The following OSBPL10 variants were observed in gnomAD, a reference collection of about 807,000 sequenced individuals.
OSBPL10 encodes the protein oxysterol binding protein like 10, also known as oxysterol-binding protein-related protein 10.
OSBPL10 carries 49 observed loss-of-function variants against 81.7 expected under a neutral mutation model. The observed-to-expected ratio is 0.60, with a 90% CI of 0.48 to 0.76. The LOEUF (loss-of-function observed/expected upper bound fraction) is 0.76. OSBPL10 is among the 30% of genes least tolerant of loss of function. OSBPL10 has a pLI of 0.00. For missense variants in OSBPL10, 923 were observed against 987.8 expected, an observed-to-expected ratio of 0.93 and a Z score of 0.88; for synonymous variants, 419 against 383.6, an observed-to-expected ratio of 1.09 and a Z score of -1.08.
chr3:31,928,568 T>C (rs1379258356), intron 1 of OSBPL10, among the ~76,000 whole-genome samples: 1 of 151,642 alleles, frequency 6.6e-6, no homozygotes, highest in Non-Finnish European at 1.5e-5. Context: ...TGAGGTCAGG[T>C]GTTCAAGACC....
intron 1 of OSBPL10, among the ~76,000 whole-genome samples, chr3:32,053,080 T>G (rs1230126978): frequency 1.3e-5 from 2 of 152,214 alleles, no homozygotes; most frequent in African/African-American, 2.4e-5. Context: ...GAGTCAGACC[T>G]TATCTGCACT....
intron 1 of OSBPL10, among the ~76,000 whole-genome samples, chr3:32,048,191 C>T (rs758159655): frequency 3.9e-5 from 6 of 152,140 alleles, no homozygotes; most frequent in Non-Finnish European, 7.3e-5. Flanking sequence ...TGCTTTCTTT[C>T]CTTTCCCTTC....
intron 6 of OSBPL10, among the ~76,000 whole-genome samples, chr3:31,706,589 C>A (rs903491629): frequency 3.3e-5 from 5 of 152,160 alleles, no homozygotes; most frequent in Non-Finnish European, 5.9e-5. Flanking sequence ...GAGGCCAAAG[C>A]CAGGAGGCAA....
intron 8 of OSBPL10, among the ~76,000 whole-genome samples, chr3:31,680,934 T>G (rs1700624692): frequency 6.6e-6 from 1 of 152,208 alleles, no homozygotes; most frequent in African/African-American, 2.4e-5. Context: ...TTTTTCTAAT[T>G]GGAAAATAGT....
intron 8 of OSBPL10, 104 bp from the exon 9 acceptor site, chr3:31,671,087 G>A (rs1370013023): frequency 2.7e-6 from 3 of 1,113,802 alleles, no homozygotes; most frequent in East Asian, 2.6e-5. Context: ...CTGCACAGAT[G>A]TCACATCTCC....
intron 3 of OSBPL10, among the ~76,000 whole-genome samples, chr3:31,868,073 C>T (rs113265085): frequency 6.6e-5 from 10 of 151,216 alleles, no homozygotes; most frequent in South Asian, 2.1e-4. Context: ...AAAAAAAAGA[C>T]GGGCAGGACG....
intron 1 of OSBPL10, among the ~76,000 whole-genome samples, chr3:31,885,890 G>C (rs1386665736): frequency 6.7e-6 from 1 of 149,352 alleles, no homozygotes; most frequent in African/African-American, 2.5e-5. Flanking sequence ...AGCTACTTGA[G>C]AGGCTGAGGC....
chr3:31,855,000 CATGGTTTTGT>C (rs1356119502), intron 3 of OSBPL10, among the ~76,000 whole-genome samples: 1 of 151,602 alleles, frequency 6.6e-6, no homozygotes, highest in Non-Finnish European at 1.5e-5. Flanking sequence ...ATTTGGTTGT[CATGGTTTTGT>C]TTTGTTTTGT....
Position 31,880,887 on chromosome 3 carries a change from T to C in OSBPL10, c.282-1057A>G, listed in dbSNP as rs150836989. Among the ~76,000 whole-genome samples the C allele has an allele frequency of 3.2e-3, 485 of 152,354 alleles. 3 individuals carry two copies. The highest frequency in any genetic ancestry group is 0.011 in the African/African-American group (448 of 41,578). ...AGATCAGTTGGACAAGTCTCAACAG[T>C]TCAGAAGTTGTCAAACACACGTGGT... On this transcript the variant is annotated intron_variant, in intron 1 of 11. Coordinates refer to ENST00000396556, the MANE Select transcript of OSBPL10 (RefSeq NM_017784.5).
chr3:31,678,462 C>T (rs921258943), intron 8 of OSBPL10, among the ~76,000 whole-genome samples: 13 of 152,256 alleles, frequency 8.5e-5, no homozygotes, highest in African/African-American at 2.9e-4. Flanking sequence ...CGCTGGTGGT[C>T]GGGGACAGGG....
chr3:31,692,050 G>C (rs1695572309), intron 7 of OSBPL10, among the ~76,000 whole-genome samples: 5 of 152,224 alleles, frequency 3.3e-5, no homozygotes, highest in African/African-American at 1.2e-4. Flanking sequence ...TAAAATTTTT[G>C]TCAGATGGGA....
In OSBPL10 at chr3:32,057,052, C is replaced by CA. The variant is rs557063712; in HGVS notation, n.186-10450dup. On this transcript the variant is annotated intron_variant and non_coding_transcript_variant, in intron 1 of 3. Coordinates refer to the OSBPL10 transcript ENST00000479173. The stretch of plus-strand genomic sequence containing the variant: ...GACACTCTCACCAGTGCCATGGCAA[C>CA]ATCAGGAAGTTACTCTATATGGTCT... Among the ~76,000 whole-genome samples the CA allele has an allele frequency of 1.2e-3, 187 of 152,306 alleles. 1 individual carries two copies. The highest frequency in any genetic ancestry group is 4.3e-3 in the Admixed American group (65 of 15,294).
intron 1 of OSBPL10, among the ~76,000 whole-genome samples, chr3:31,922,270 G>C (rs1559519197): frequency 1.3e-5 from 2 of 152,234 alleles, no homozygotes; most frequent in African/African-American, 4.8e-5. Flanking sequence ...TAATAATAGA[G>C]AAACTGTGGG....
intron 3 of OSBPL10, among the ~76,000 whole-genome samples, chr3:31,851,755 G>C (rs1014293940): frequency 2.6e-5 from 4 of 152,170 alleles, no homozygotes; most frequent in African/African-American, 9.7e-5. Flanking sequence ...TGGCAAAGGG[G>C]GTCTCAGACT....
intron 1 of OSBPL10, among the ~76,000 whole-genome samples, chr3:31,911,656 A>C (rs1199907686): frequency 6.6e-6 from 1 of 152,158 alleles, no homozygotes; most frequent in Non-Finnish European, 1.5e-5. Context: ...TTTTAAGAAA[A>C]GTTTACAAAT....
intron 3 of OSBPL10, among the ~76,000 whole-genome samples, chr3:31,867,842 C>G (rs1229713798): frequency 5.3e-5 from 8 of 152,050 alleles, no homozygotes; most frequent in Admixed American, 1.3e-4. Context: ...GGGCAAGTAG[C>G]TGACTGGAAG....
intron 2 of OSBPL10, among the ~76,000 whole-genome samples, chr3:32,036,877 C>T (rs1575090041): frequency 6.6e-6 from 1 of 151,996 alleles, no homozygotes; most frequent in East Asian, 1.9e-4. Flanking sequence ...ACTCACTCGG[C>T]TCTTGAACCA....
intron 1 of OSBPL10, among the ~76,000 whole-genome samples, chr3:31,921,659 G>C (rs922985125): frequency 4.6e-5 from 7 of 152,170 alleles, no homozygotes; most frequent in Non-Finnish European, 8.8e-5. Context: ...CCAGGCATCA[G>C]AACTGCAAAT....
At chr3:31,714,722 G>C (rs1331748768) in intron 6 of OSBPL10, 1 of 152,234 alleles carries the variant, frequency 6.6e-6, no homozygotes, top group East Asian at 1.9e-4. Flanking sequence ...CAAGTTCCCG[G>C]ACACCTCCCA....
Sources: gnomAD v4.1 joint callset for allele counts (sites outside exome capture counted in the v4.1 genomes callset) on GRCh38, gnomAD v4.1.1 for gene constraint, MANE v1.5 for transcripts, NCBI Gene and HGNC (gene_info 2026-07-23, HGNC 2026-07-21) for gene names.